RAB28: variants seen among roughly 807,000 people sequenced by gnomAD.
RAB28 encodes the protein ras-related protein Rab-28.
RAB28 carries 24 observed loss-of-function variants against 31.7 expected under a neutral mutation model. The ratio of observed to expected loss-of-function variants is 0.76; its 90% CI spans 0.55 to 1.06. The LOEUF is 1.06. Ranked by LOEUF, RAB28 falls within the 50% of genes least tolerant of loss-of-function variation. RAB28 has a pLI of 0.00. For synonymous variants in RAB28, 100 were observed against 90.4 expected (o/e 1.11, Z -0.60); for missense variants, 254 against 258.5 (o/e 0.98, Z 0.12).
At chr4:13,382,340 T>G (rs1729164789) in intron 4 of RAB28, among the ~76,000 whole-genome samples, 3 of 152,230 alleles carry the variant, frequency 2.0e-5, no homozygotes, top group Admixed American at 2.0e-4. Flanking sequence ...ACAGACCCTA[T>G]AAGGGTGTTG....
chr4:13,376,940 A>G (rs1303825053), intron 5 of RAB28, among the ~76,000 whole-genome samples: 1 of 152,166 alleles, frequency 6.6e-6, no homozygotes, highest in Non-Finnish European at 1.5e-5. Context: ...TACTACTATA[A>G]AAACTCCCAT....
chr4:13,397,687 T>C (rs560429566), intron 4 of RAB28, among the ~76,000 whole-genome samples: 2 of 152,260 alleles, frequency 1.3e-5, no homozygotes, highest in African/African-American at 4.8e-5. Flanking sequence ...ATCCTTTAAA[T>C]CCTCAAATCA....
In RAB28 at chr4:13,446,529, G is replaced by A. The variant is rs1322491220; in HGVS notation, c.391+14170C>T. Reference sequence around the variant, plus strand: ...AAGGTAATCTCCTGATCCATGGATTGTAAAAATCTGTGGAAAAGCGTAGCA... The same window carrying A: ...AAGGTAATCTCCTGATCCATGGATTATAAAAATCTGTGGAAAAGCGTAGCA... On this transcript the variant is annotated intron_variant, in intron 4 of 6. Coordinates refer to ENST00000330852, the MANE Select transcript of RAB28 (RefSeq NM_001017979.3). Among the ~76,000 whole-genome samples the A allele has an allele frequency of 2.0e-5, 3 of 152,212 alleles. No individual in the cohort carries two copies. In the East Asian group the frequency reaches 5.8e-4, roughly 29 times the overall value.
intron 4 of RAB28, among the ~76,000 whole-genome samples, chr4:13,443,004 T>C (rs1004645464): frequency 3.3e-5 from 5 of 152,204 alleles, no homozygotes; most frequent in Admixed American, 2.0e-4. Context: ...AAAATAAATA[T>C]CCTTATAGGA....
intron 4 of RAB28, among the ~76,000 whole-genome samples, chr4:13,391,522 A>T (rs1390171806): frequency 6.6e-6 from 1 of 152,230 alleles, no homozygotes; most frequent in Non-Finnish European, 1.5e-5. Flanking sequence ...CTAGAACTAG[A>T]AATACCATTT....
At chr4:13,448,378 T>C (rs983232035) in intron 4 of RAB28, among the ~76,000 whole-genome samples, 4 of 152,046 alleles carry the variant, frequency 2.6e-5, no homozygotes, top group Admixed American at 6.5e-5. Context: ...TTCTCTATTA[T>C]GACAAAAAGA....
At chr4:13,376,268 C>T (rs567135607) in intron 6 of RAB28, among the ~76,000 whole-genome samples, 28 of 152,152 alleles carry the variant, frequency 1.8e-4, no homozygotes, top group Admixed American at 5.9e-4. Context: ...GTGGTCAGCA[C>T]CTTAACTCAT....
chr4:13,389,922 G>A (rs367947211), intron 4 of RAB28, among the ~76,000 whole-genome samples: 1 of 152,098 alleles, frequency 6.6e-6, no homozygotes, highest in Non-Finnish European at 1.5e-5. Flanking sequence ...AACAATAAGA[G>A]CTATTTATGA....
chr4:13,388,514 C>T (rs1333040437), intron 4 of RAB28, among the ~76,000 whole-genome samples: 1 of 151,898 alleles, frequency 6.6e-6, no homozygotes, highest in Non-Finnish European at 1.5e-5. Flanking sequence ...AAATAACAGA[C>T]GAACAGGGCC....
At chr4:13,423,060 A>G (rs1396859442) in intron 4 of RAB28, among the ~76,000 whole-genome samples, 2 of 152,170 alleles carry the variant, frequency 1.3e-5, no homozygotes, top group African/African-American at 4.8e-5. Context: ...TTTGAAATGC[A>G]TCAAAGAGAG....
chr4:13,464,436 G>A (rs1715744375), intron 3 of RAB28, among the ~76,000 whole-genome samples: 1 of 152,054 alleles, frequency 6.6e-6, no homozygotes, highest in South Asian at 2.1e-4. Context: ...CATCTAACTG[G>A]GAGGAGCAAA....
At chr4:13,369,885 T>C in intron 6 of RAB28, 2 of 1,611,948 alleles carry the variant, frequency 1.2e-6, no homozygotes, top group Non-Finnish European at 1.7e-6. Context: ...ACTACTGTAC[T>C]GAACAGATTC....
At chr4:13,442,843 G>C (rs1321058543) in intron 4 of RAB28, among the ~76,000 whole-genome samples, 3 of 152,076 alleles carry the variant, frequency 2.0e-5, no homozygotes, top group Non-Finnish European at 4.4e-5. Context: ...ACAAAACTAA[G>C]GTAAAAAGAG....
chr4:13,395,146 T>A (rs1269623684), intron 4 of RAB28, among the ~76,000 whole-genome samples: 1 of 152,214 alleles, frequency 6.6e-6, no homozygotes, highest in Non-Finnish European at 1.5e-5. Context: ...ATTTAGATTT[T>A]TAATTAAAAC....
At chr4:13,378,934 GGTGCA>G (rs1308595262) in intron 5 of RAB28, among the ~76,000 whole-genome samples, 1 of 152,110 alleles carries the variant, frequency 6.6e-6, no homozygotes. Context: ...TCATCGGCCT[GGTGCA>G]TTGGCTCACA....
chr4:13,398,404 T>C (rs1036474913), intron 4 of RAB28, among the ~76,000 whole-genome samples: 8 of 152,082 alleles, frequency 5.3e-5, no homozygotes, highest in African/African-American at 1.4e-4. Flanking sequence ...CATTTATACA[T>C]AGAATTGCAT....
intron 3 of RAB28, among the ~76,000 whole-genome samples, chr4:13,469,697 A>G (rs1016633348): frequency 6.6e-6 from 1 of 151,948 alleles, no homozygotes; most frequent in Non-Finnish European, 1.5e-5. Context: ...AATAATCGAC[A>G]GCAATTTTCT....
intron 4 of RAB28, among the ~76,000 whole-genome samples, chr4:13,444,468 T>C (rs1049592015): frequency 6.6e-6 from 1 of 152,198 alleles, no homozygotes; most frequent in Non-Finnish European, 1.5e-5. Context: ...CTATAGTGAA[T>C]AATGCTGCAA....
At chr4:13,444,397 C>A (rs568403311) in intron 4 of RAB28, among the ~76,000 whole-genome samples, 1 of 151,842 alleles carries the variant, frequency 6.6e-6, no homozygotes, top group East Asian at 1.9e-4. Context: ...TATATATATG[C>A]GCCACATTTT....
Sources: allele counts gnomAD v4.1 joint callset (sites outside exome capture counted in the v4.1 genomes callset), GRCh38; gene constraint gnomAD v4.1.1; transcripts MANE v1.5; gene names NCBI Gene and HGNC (gene_info 2026-07-23, HGNC 2026-07-21).